The following GPR158 variants were observed in gnomAD, a reference collection of about 807,000 sequenced individuals.
The protein encoded by GPR158 is G protein-coupled receptor 158, also known as metabotropic glycine receptor.
In GPR158, 30 loss-of-function variants were observed where a neutral mutation model predicts 78.2. That is an observed-to-expected ratio of 0.38 (90% CI 0.29 to 0.52). GPR158 has a LOEUF of 0.52. Ranked by LOEUF, GPR158 falls within the 20% of genes least tolerant of loss-of-function variation. GPR158 has a pLI of 0.83. For missense variants in GPR158, 1,463 were observed against 1,523.5 expected, an observed-to-expected ratio of 0.96 and a Z score of 0.66; for synonymous variants, 581 against 591.1, an observed-to-expected ratio of 0.98 and a Z score of 0.25.
intron 5 of GPR158, among the ~76,000 whole-genome samples, chr10:25,521,533 T>TA (rs1330095135): frequency 1.3e-5 from 2 of 152,216 alleles, no homozygotes; most frequent in African/African-American, 2.4e-5. Context: ...TCTGGCAACT[T>TA]AGAGATTTCT....
chr10:25,249,752 A>G (rs1367603882), intron 2 of GPR158, among the ~76,000 whole-genome samples: 1 of 152,094 alleles, frequency 6.6e-6, no homozygotes, highest in African/African-American at 2.4e-5. Flanking sequence ...ATGTTCATCA[A>G]GGATATTGGC....
chr10:25,189,383 C>G (rs558269993), intron 1 of GPR158, among the ~76,000 whole-genome samples: 10 of 152,098 alleles, frequency 6.6e-5, no homozygotes, highest in African/African-American at 2.4e-4. Context: ...TGGAACCAAC[C>G]CAAAAATGTC....
At chr10:25,456,981 T>TTG (rs953313361) in intron 4 of GPR158, among the ~76,000 whole-genome samples, 14 of 151,756 alleles carry the variant, frequency 9.2e-5, no homozygotes, top group African/African-American at 2.9e-4. Flanking sequence ...GTTAATAGCT[T>TTG]TGTGTGTGTG....
At chr10:25,431,560 G>A (rs961824436) in intron 4 of GPR158, among the ~76,000 whole-genome samples, 39 of 136,380 alleles carry the variant, frequency 2.9e-4, no homozygotes, top group Non-Finnish European at 5.3e-4. Context: ...ACATGCACAC[G>A]TATGTTTATT....
intron 1 of GPR158, among the ~76,000 whole-genome samples, chr10:25,178,885 G>A (rs969538959): frequency 3.9e-5 from 6 of 152,284 alleles, no homozygotes; most frequent in African/African-American, 1.4e-4. Context: ...AACAGAAATG[G>A]GATCCAGGCC....
intron 4 of GPR158, among the ~76,000 whole-genome samples, chr10:25,443,972 C>A (rs1835104226): frequency 6.6e-6 from 1 of 152,064 alleles, no homozygotes; most frequent in Admixed American, 6.6e-5. Context: ...GGCTTCTCAG[C>A]ATGTATGCTG....
At chr10:25,412,943 T>C (rs1378598715) in intron 4 of GPR158, among the ~76,000 whole-genome samples, 1 of 152,222 alleles carries the variant, frequency 6.6e-6, no homozygotes, top group Non-Finnish European at 1.5e-5. Flanking sequence ...TGTCTTACAT[T>C]AGTGTCCCAG....
At chr10:25,361,349 G>T (rs1588824457) in intron 2 of GPR158, among the ~76,000 whole-genome samples, 1 of 151,828 alleles carries the variant, frequency 6.6e-6, no homozygotes, top group East Asian at 2.0e-4. Flanking sequence ...ATGGGTGTTT[G>T]GGTTACTTAA....
chr10:25,305,233 G>A (rs764936933), intron 2 of GPR158, among the ~76,000 whole-genome samples: 5 of 152,156 alleles, frequency 3.3e-5, no homozygotes, highest in African/African-American at 7.2e-5. Flanking sequence ...CCAGTTTGGC[G>A]GGATGTGCTC....
intron 5 of GPR158, among the ~76,000 whole-genome samples, chr10:25,542,334 A>C (rs1166871747): frequency 6.6e-6 from 1 of 152,142 alleles, no homozygotes; most frequent in Admixed American, 6.6e-5. Flanking sequence ...GCCTAAACCA[A>C]GAGCTTCACA....
chr10:25,518,139 G>T (rs1836208967), intron 5 of GPR158, among the ~76,000 whole-genome samples: 1 of 94,210 alleles, frequency 1.1e-5, no homozygotes, highest in Admixed American at 9.6e-5. Context: ...ATTTCTTCTA[G>T]ATATTCTAGT....
intron 5 of GPR158, among the ~76,000 whole-genome samples, chr10:25,514,084 G>A (rs980099652): frequency 5.3e-5 from 8 of 151,834 alleles, no homozygotes; most frequent in South Asian, 2.1e-4. Flanking sequence ...TGACTATCTC[G>A]ATGATCTAAG....
At chr10:25,534,266 C>T (rs1235284740) in intron 5 of GPR158, among the ~76,000 whole-genome samples, 2 of 152,116 alleles carry the variant, frequency 1.3e-5, no homozygotes, top group African/African-American at 4.8e-5. Context: ...CAGACATAAA[C>T]ATGTTCAATC....
At chr10:25,464,516 G>A (rs1835396788) in intron 4 of GPR158, among the ~76,000 whole-genome samples, 1 of 152,132 alleles carries the variant, frequency 6.6e-6, no homozygotes, top group African/African-American at 2.4e-5. Flanking sequence ...TACAATGCCA[G>A]CCATTTTGCA....
At chr10:25,243,297 G>A (rs984269982) in intron 2 of GPR158, among the ~76,000 whole-genome samples, 5 of 152,126 alleles carry the variant, frequency 3.3e-5, no homozygotes, top group Admixed American at 2.6e-4. Flanking sequence ...ACACCTCACT[G>A]GTCATCAATA....
chr10:25,457,249 C>T (rs1184307794), intron 4 of GPR158, among the ~76,000 whole-genome samples: 1 of 146,246 alleles, frequency 6.8e-6, no homozygotes, highest in Non-Finnish European at 1.5e-5. Flanking sequence ...CCGGCCTTGG[C>T]CTCCCAAAGT....
At chr10:25,307,706 G>A (rs1297486995) in intron 2 of GPR158, among the ~76,000 whole-genome samples, 2 of 152,050 alleles carry the variant, frequency 1.3e-5, no homozygotes, top group Non-Finnish European at 2.9e-5. Flanking sequence ...AATATATTCT[G>A]AAAATAATTC....
chr10:25,395,604 C>T (rs1834354181), intron 2 of GPR158, among the ~76,000 whole-genome samples: 1 of 151,966 alleles, frequency 6.6e-6, no homozygotes, highest in African/African-American at 2.4e-5. Context: ...TTTCTTAAAG[C>T]AATAAGATGA....
chr10:25,264,518 T>C (rs1854014949), intron 2 of GPR158, among the ~76,000 whole-genome samples: 1 of 152,158 alleles, frequency 6.6e-6, no homozygotes, highest in Non-Finnish European at 1.5e-5. Flanking sequence ...CCAACCCAAA[T>C]GTCATCTAAA....
Sources: allele counts gnomAD v4.1 joint callset (sites outside exome capture counted in the v4.1 genomes callset), GRCh38; gene constraint gnomAD v4.1.1; transcripts MANE v1.5; gene names NCBI Gene and HGNC (gene_info 2026-07-23, HGNC 2026-07-21).